PCCA: variants seen among roughly 807,000 people sequenced by gnomAD.
PCCA encodes propionyl-CoA carboxylase alpha chain, mitochondrial.
In PCCA, 74 loss-of-function variants were observed where a neutral mutation model predicts 101.3. The observed-to-expected ratio is 0.73, with a 90% confidence interval of 0.61 to 0.89. The LOEUF is 0.89. Ranked by LOEUF, PCCA falls within the 40% of genes least tolerant of loss-of-function variation. The pLI, the probability that PCCA is intolerant of heterozygous loss-of-function variation, is 0.00. For synonymous variants in PCCA, 294 were observed against 313.6 expected (o/e 0.94, Z 0.66); for missense variants, 891 against 907.0 (o/e 0.98, Z 0.23).
intron 21 of PCCA, chr13:100,490,386 A>G (rs2084814465): frequency 6.6e-6 from 1 of 152,198 alleles, no homozygotes; most frequent in African/African-American, 2.4e-5. Context: ...AACAGGTCAC[A>G]GCATAAATCC....
Position 100,512,838 on chromosome 13 carries a change from T to C in PCCA, c.1900-2589T>C, listed in dbSNP as rs962193052. Reference sequence around the variant, plus strand: ...GGAGTTTCGCACAACCCTTGAGGAATAGTTAAATGCCCACGGTGAAACCGA... The same window carrying C: ...GGAGTTTCGCACAACCCTTGAGGAACAGTTAAATGCCCACGGTGAAACCGA... On this transcript the variant is annotated intron_variant, in intron 21 of 23. Coordinates refer to ENST00000376285, the MANE Select transcript of PCCA (RefSeq NM_000282.4). Among the ~76,000 whole-genome samples, 19 of 152,172 alleles carry C rather than the reference T, an allele frequency of 1.2e-4. 1 individual carries two copies. Among genetic ancestry groups the C allele is most frequent in the Admixed American group, 3.9e-4 (6 of 15,282 alleles).
At chr13:100,448,042 T>C (rs1448571123) in intron 20 of PCCA, among the ~76,000 whole-genome samples, 1 of 152,210 alleles carries the variant, frequency 6.6e-6, no homozygotes, top group Non-Finnish European at 1.5e-5. Context: ...ATACTCTACA[T>C]CTGGGAACTT....
At chr13:100,249,006 G>A (rs1056003210) in intron 8 of PCCA, among the ~76,000 whole-genome samples, 2 of 151,834 alleles carry the variant, frequency 1.3e-5, no homozygotes, top group African/African-American at 2.4e-5. Context: ...TGCCCACCTC[G>A]GCCTCCCAAA....
chr13:100,266,657 T>G (rs1470208243), intron 10 of PCCA, among the ~76,000 whole-genome samples: 1 of 152,202 alleles, frequency 6.6e-6, no homozygotes, highest in Non-Finnish European at 1.5e-5. Flanking sequence ...GTATGTCACC[T>G]ATTATTTTTC....
At chr13:100,156,515 T>G (rs2053906944) in intron 5 of PCCA, among the ~76,000 whole-genome samples, 1 of 152,210 alleles carries the variant, frequency 6.6e-6, no homozygotes, top group Admixed American at 6.5e-5. Context: ...AAATTTATGT[T>G]TGGCCAGTCT....
chr13:100,102,143 T>C (rs2047340593), intron 1 of PCCA, among the ~76,000 whole-genome samples: 1 of 152,006 alleles, frequency 6.6e-6, no homozygotes, highest in Non-Finnish European at 1.5e-5. Context: ...CTTTTTCTCC[T>C]TTCTTTTCTC....
chr13:100,232,892 G>C (rs1594845607), intron 7 of PCCA, among the ~76,000 whole-genome samples: 1 of 152,158 alleles, frequency 6.6e-6, no homozygotes, highest in Non-Finnish European at 1.5e-5. Flanking sequence ...ATTTCATGTA[G>C]TGTTGCTGGG....
chr13:100,290,478 C>G (rs915760340), intron 12 of PCCA, among the ~76,000 whole-genome samples: 29 of 152,172 alleles, frequency 1.9e-4, no homozygotes, highest in African/African-American at 7.0e-4. Flanking sequence ...TCCCAAAGTG[C>G]TGGGATTACA....
chr13:100,382,177 A>C (rs2076265344), intron 19 of PCCA, among the ~76,000 whole-genome samples: 1 of 152,182 alleles, frequency 6.6e-6, no homozygotes, highest in Admixed American at 6.5e-5. Context: ...AGGATGGTAA[A>C]TGCAGGAATG....
At chr13:100,112,119 G>A in intron 4 of PCCA, 58 bp downstream of exon 4, 2 of 1,239,738 alleles carry the variant, frequency 1.6e-6, no homozygotes, top group South Asian at 1.2e-5. Flanking sequence ...AGCAGAAAAA[G>A]TGAGACATAC....
At chr13:100,435,311 T>C (rs1329423676) in intron 20 of PCCA, among the ~76,000 whole-genome samples, 1 of 152,046 alleles carries the variant, frequency 6.6e-6, no homozygotes, top group Non-Finnish European at 1.5e-5. Flanking sequence ...CCCACTCTTT[T>C]AAACAACCAA....
chr13:100,414,718 A>C (rs1314623208), intron 19 of PCCA, among the ~76,000 whole-genome samples: 1 of 152,242 alleles, frequency 6.6e-6, no homozygotes, highest in African/African-American at 2.4e-5. Context: ...GTAATGTCAC[A>C]GTGTAATTAA....
At chr13:100,488,640 T>TG (rs1379155767) in intron 21 of PCCA, among the ~76,000 whole-genome samples, 3 of 65,754 alleles carry the variant, frequency 4.6e-5, no homozygotes, top group African/African-American at 1.9e-4. Context: ...TTTGTTTTTT[T>TG]TTTGTTTTTT....
At chr13:100,200,166 G>A (rs1052548185) in intron 6 of PCCA, among the ~76,000 whole-genome samples, 2 of 151,978 alleles carry the variant, frequency 1.3e-5, no homozygotes, top group African/African-American at 2.4e-5. Context: ...GTGCAGTGGC[G>A]CAATCTTGGC....
intron 19 of PCCA, among the ~76,000 whole-genome samples, chr13:100,372,180 A>G (rs955131024): frequency 2.6e-5 from 4 of 152,156 alleles, no homozygotes; most frequent in Non-Finnish European, 4.4e-5. Flanking sequence ...CCCCATCTCT[A>G]CTAAAAATAC....
chr13:100,503,892 A>G (rs1270344457), intron 21 of PCCA, among the ~76,000 whole-genome samples: 1 of 152,236 alleles, frequency 6.6e-6, no homozygotes, highest in Non-Finnish European at 1.5e-5. Context: ...TGAGTGACAG[A>G]GTGAGATCCT....
At chr13:100,133,582 GT>G (rs1224463211) in intron 4 of PCCA, among the ~76,000 whole-genome samples, 1 of 151,466 alleles carries the variant, frequency 6.6e-6, no homozygotes, top group African/African-American at 2.4e-5. Flanking sequence ...CGGTTTTTTT[GT>G]TTTTTGTTTT....
intron 16 of PCCA, among the ~76,000 whole-genome samples, chr13:100,326,013 C>T (rs968028626): frequency 5.9e-5 from 9 of 152,186 alleles, no homozygotes; most frequent in Non-Finnish European, 7.4e-5. Context: ...TGTATGGAAA[C>T]GATCGTTGAC....
At chr13:100,380,011 C>T (rs1320571324) in intron 19 of PCCA, among the ~76,000 whole-genome samples, 1 of 151,670 alleles carries the variant, frequency 6.6e-6, no homozygotes, top group Non-Finnish European at 1.5e-5. Context: ...TTAAGGGACC[C>T]AGAATAGCCA....
Sources: gnomAD v4.1 joint callset for allele counts (sites outside exome capture counted in the v4.1 genomes callset) on GRCh38, gnomAD v4.1.1 for gene constraint, MANE v1.5 for transcripts, NCBI Gene and HGNC (gene_info 2026-07-23, HGNC 2026-07-21) for gene names.